Variants in RERG observed in about 807,000 individuals in gnomAD.
RERG encodes RAS like estrogen regulated growth inhibitor, also known as ras-related and estrogen-regulated growth inhibitor.
In RERG, 25 loss-of-function variants were observed where a neutral mutation model predicts 23.2. The ratio of observed to expected loss-of-function variants is 1.08; its 90% CI spans 0.79 to 1.50. The LOEUF (loss-of-function observed/expected upper bound fraction) is 1.50, where lower values mean the gene tolerates loss of function less well. Ranked by LOEUF, RERG falls within the 40% of genes most tolerant of loss-of-function variation. The probability of loss-of-function intolerance (pLI) is 0.00; values close to 1 mark genes in which losing one functional copy is unlikely to be tolerated. For synonymous variants in RERG, 81 were observed against 89.1 expected (o/e 0.91, Z 0.51); for missense variants, 253 against 250.1 (o/e 1.01, Z -0.08).
chr12:15,159,606 G>A (rs1340808998), intron 2 of RERG, among the ~76,000 whole-genome samples: 3 of 152,086 alleles, frequency 2.0e-5, no homozygotes, highest in Non-Finnish European at 2.9e-5. Flanking sequence ...GGCAGATCAC[G>A]AGGTCAGGAG....
chr12:15,202,767 T>C (rs1371828754), intron 2 of RERG, among the ~76,000 whole-genome samples: 4 of 151,732 alleles, frequency 2.6e-5, no homozygotes, highest in Non-Finnish European at 5.9e-5. Flanking sequence ...CACTGAAGTA[T>C]AGATTTCTCT....
chr12:15,147,821 TC>T (rs1453661476), intron 2 of RERG, among the ~76,000 whole-genome samples: 2 of 152,154 alleles, frequency 1.3e-5, no homozygotes, highest in Non-Finnish European at 2.9e-5. Flanking sequence ...TTCTATACAA[TC>T]AAAAATAAGT....
At chr12:15,116,621 AT>A (rs978665819) in intron 3 of RERG, among the ~76,000 whole-genome samples, 4 of 150,754 alleles carry the variant, frequency 2.7e-5, no homozygotes, top group South Asian at 2.1e-4. Context: ...CATTTTAAGC[AT>A]TTTTTTTTCT....
In RERG at chr12:15,148,887, T is replaced by TTTTTTTTTTTTTTTTTTG. The variant is rs1156302513; in HGVS notation, c.62-27769_62-27768insCAAAAAAAAAAAAAAAAA. Among the ~76,000 whole-genome samples the TTTTTTTTTTTTTTTTTTG allele has an allele frequency of 8.6e-5, 6 of 69,500 alleles. 1 individual carries two copies. The highest frequency in any genetic ancestry group is 1.2e-4 in the Non-Finnish European group (4 of 32,656). 45.6% of individuals were successfully genotyped at this position (69,500 alleles called of 152,430 possible). A position where few individuals can be genotyped will look rare whatever the true frequency, so the allele number is the denominator to read the frequency against. On this transcript the variant is annotated intron_variant, in intron 2 of 4. Coordinates refer to ENST00000256953, the MANE Select transcript of RERG (RefSeq NM_032918.3). ...TTTTTTTTTTTTTTTTTTTTTTTTT[T>TTTTTTTTTTTTTTTTTTG]AGACAGAGTCTAGCTCTGTCACCCA... is the stretch of plus-strand genomic sequence containing the variant.
chr12:15,161,825 G>C lies in RERG; in HGVS notation c.62-40706C>G, dbSNP rs371075174. Among the ~76,000 whole-genome samples the C allele has an allele frequency of 1.5e-3, 226 of 152,208 alleles. 6 individuals carry two copies. In the South Asian group the frequency reaches 0.045, roughly 30 times the overall value. ...GACCATTTACCATGTGCCAAGCACTGTTCTAAGTATTTTGCATTAAAAATC... is the reference window on the plus strand; with the variant it reads ...GACCATTTACCATGTGCCAAGCACTCTTCTAAGTATTTTGCATTAAAAATC... On this transcript the variant is annotated intron_variant, in intron 2 of 4. Coordinates refer to ENST00000256953, the MANE Select transcript of RERG (RefSeq NM_032918.3).
chr12:15,193,355 A>G (rs1337126799), intron 2 of RERG, among the ~76,000 whole-genome samples: 1 of 151,826 alleles, frequency 6.6e-6, no homozygotes, highest in Non-Finnish European at 1.5e-5. Flanking sequence ...TGCCATGGGG[A>G]ACTGTTTTTA....
chr12:15,220,245 C>A (rs1030449589), intron 1 of RERG, among the ~76,000 whole-genome samples: 3 of 152,250 alleles, frequency 2.0e-5, no homozygotes, highest in African/African-American at 7.2e-5. Context: ...TGAAATTTGC[C>A]ATTCACTTTT....
intron 2 of RERG, among the ~76,000 whole-genome samples, chr12:15,175,148 A>G (rs1011077022): frequency 1.2e-4 from 18 of 149,138 alleles, no homozygotes; most frequent in African/African-American, 4.5e-4. Context: ...GGTTGCTATC[A>G]TTTTGTTGTA....
At chr12:15,201,640 T>C (rs185590240) in intron 2 of RERG, among the ~76,000 whole-genome samples, 47 of 149,110 alleles carry the variant, frequency 3.2e-4, no homozygotes, top group Middle Eastern at 3.6e-3. Flanking sequence ...TTAGTAATTG[T>C]TAGTATAGTA....
intron 2 of RERG, among the ~76,000 whole-genome samples, chr12:15,174,987 C>A (rs1864827810): frequency 6.6e-6 from 1 of 152,050 alleles, no homozygotes; most frequent in African/African-American, 2.4e-5. Context: ...CCATTGACTC[C>A]TATTTTCCTG....
At chr12:15,116,425 C>A (rs1007738800) in intron 3 of RERG, among the ~76,000 whole-genome samples, 1 of 152,062 alleles carries the variant, frequency 6.6e-6, no homozygotes, top group East Asian at 1.9e-4. Context: ...GTATGTATTT[C>A]AATTACAGAA....
chr12:15,113,486 C>A (rs1009742745), intron 3 of RERG, among the ~76,000 whole-genome samples: 2 of 151,810 alleles, frequency 1.3e-5, no homozygotes, highest in South Asian at 4.1e-4. Context: ...TAAAATAATA[C>A]GAAGTTTATA....
At chr12:15,200,613 CT>C (rs1187716550) in intron 2 of RERG, among the ~76,000 whole-genome samples, 2 of 151,892 alleles carry the variant, frequency 1.3e-5, no homozygotes, top group Non-Finnish European at 1.5e-5. Context: ...TTTGTAGGGG[CT>C]TGATTCTTCC....
At chr12:15,208,293 A>G (rs1321746638) in intron 2 of RERG, among the ~76,000 whole-genome samples, 2 of 152,002 alleles carry the variant, frequency 1.3e-5, no homozygotes, top group African/African-American at 4.8e-5. Context: ...TCCCTGGGGA[A>G]CCCTGACTAA....
intron 2 of RERG, among the ~76,000 whole-genome samples, chr12:15,205,637 T>C (rs1865273280): frequency 6.7e-6 from 1 of 150,224 alleles, no homozygotes; most frequent in Admixed American, 6.7e-5. Context: ...AGTGCAAAAA[T>C]AACTCAATTA....
Position 15,109,355 on chromosome 12 carries a change from T to C in RERG, c.355A>G (p.Lys119Glu). 6.2e-7 allele frequency: 1 copy of C among 1,614,116 alleles called. No homozygotes were observed. Residue 119 changes from lysine to glutamate, a missense_variant, in exon 5 of 5, where the codon AAA (lysine) becomes GAA (glutamate). Physicochemically the swap from Lys to Glu is moderately conservative, Grantham distance 56. Coordinates refer to ENST00000256953, the MANE Select transcript of RERG (RefSeq NM_032918.3). ...KNVTLILVGN[K>E]ADLDHSRQVS... ...TGCCTGGAGTGGTCCAAGTCAGCTT[T>C]GTTTCCAACCAAGATGAGAGTCACA... is the stretch of plus-strand genomic sequence containing the variant.
At chr12:15,143,524 C>T (rs1311296304) in intron 2 of RERG, among the ~76,000 whole-genome samples, 2 of 152,018 alleles carry the variant, frequency 1.3e-5, no homozygotes, top group African/African-American at 4.8e-5. Context: ...TTAACTAATA[C>T]CTACTATGTG....
intron 2 of RERG, chr12:15,137,898 A>T: frequency 4.5e-6 from 2 of 447,166 alleles, no homozygotes; most frequent in Non-Finnish European, 9.0e-6. Context: ...GAGATGTATC[A>T]TTCTCCTTCT....
intron 1 of RERG, among the ~76,000 whole-genome samples, chr12:15,220,519 G>A (rs1865498577): frequency 6.6e-6 from 1 of 151,368 alleles, no homozygotes; most frequent in South Asian, 2.1e-4. Flanking sequence ...TTAGATAACT[G>A]TAACCTTATT....
Sources: gnomAD v4.1 joint callset for allele counts (sites outside exome capture counted in the v4.1 genomes callset) on GRCh38, gnomAD v4.1.1 for gene constraint, MANE v1.5 for transcripts, NCBI Gene and HGNC (gene_info 2026-07-23, HGNC 2026-07-21) for gene names.